DNAAF5: variants seen among roughly 807,000 people sequenced by gnomAD.
The protein encoded by DNAAF5 is HEAT repeat containing 2.
Under a neutral mutation model 75.8 loss-of-function variants are expected in DNAAF5, and 64 were observed. That is an observed-to-expected ratio of 0.84 (90% CI 0.69 to 1.04). DNAAF5 has a LOEUF of 1.04. DNAAF5 is among the 50% of genes least tolerant of loss of function. DNAAF5 has a pLI of 0.00. For missense variants in DNAAF5, 1,269 were observed against 1,178.5 expected, an observed-to-expected ratio of 1.08 and a Z score of -1.12; for synonymous variants, 657 against 557.2, an observed-to-expected ratio of 1.18 and a Z score of -2.52.
Position 740,956 on chromosome 7 carries a change from G to T in DNAAF5, c.905+13G>T. On this transcript the variant is annotated intron_variant, in intron 3 of 12. Coordinates refer to ENST00000297440, the MANE Select transcript of DNAAF5 (RefSeq NM_017802.4). ...TGCCTGAGGTCAGGTACGTGGGCAGGCGGCCGCGGGCCTTGTCTTCCTAAA... is the reference window on the plus strand; with the variant it reads ...TGCCTGAGGTCAGGTACGTGGGCAGTCGGCCGCGGGCCTTGTCTTCCTAAA... 1 of 1,611,026 alleles carries T rather than the reference G, an allele frequency of 6.2e-7. No individual in the cohort carries two copies.
At chr7:741,770 C>T (rs191277580) in intron 4 of DNAAF5, among the ~76,000 whole-genome samples, 1 of 152,194 alleles carries the variant, frequency 6.6e-6, no homozygotes, top group African/African-American at 2.4e-5. Context: ...TGTCCGCCCC[C>T]CTCCGTTGGC....
In DNAAF5 at chr7:754,462, C is replaced by T. The variant is rs1266374142; in HGVS notation, c.1025-127C>T. The T allele has an allele frequency of 7.3e-6, 6 of 822,402 alleles. No homozygotes were observed. The African/African-American group carries it at 8.4e-5, about 12-fold the overall frequency. 50.9% of individuals were successfully genotyped at this position (822,402 alleles called of 1,614,324 possible). A position where few individuals can be genotyped will look rare whatever the true frequency, so the allele number is the denominator to read the frequency against. On this transcript the variant is annotated intron_variant, in intron 4 of 12. Transcript: ENST00000297440. The surrounding 1 kb of genome is among the most constrained non-coding windows in gnomAD (Gnocchi z 4.8). The stretch of plus-strand genomic sequence containing the variant: ...GGGCATTTGTCAGCTTTGCGTCCAC[C>T]CCAAGACTTGTTTTGAAATGGTGAG...
chr7:774,768 G>A (rs538180846), intron 10 of DNAAF5, among the ~76,000 whole-genome samples: 1 of 152,316 alleles, frequency 6.6e-6, no homozygotes, highest in Non-Finnish European at 1.5e-5. Flanking sequence ...CCATTACCCT[G>A]GTTTAGGGTT....
chr7:783,578 CG>C (rs1003959116), intron 12 of DNAAF5, among the ~76,000 whole-genome samples: 4 of 152,184 alleles, frequency 2.6e-5, no homozygotes, highest in African/African-American at 7.2e-5. Flanking sequence ...CATTGATCCA[CG>C]GCGGGGCCCG....
intron 11 of DNAAF5, among the ~76,000 whole-genome samples, chr7:776,358 T>C (rs1422345032): frequency 1.3e-5 from 2 of 149,788 alleles, no homozygotes; most frequent in Non-Finnish European, 3.0e-5. Flanking sequence ...AAATAGAAAA[T>C]GCTCATCTTT....
chr7:770,086 G>A (rs1165922940), intron 8 of DNAAF5, among the ~76,000 whole-genome samples: 2 of 151,454 alleles, frequency 1.3e-5, no homozygotes, highest in African/African-American at 2.4e-5. Context: ...CAAGTAGATG[G>A]GACTACAGGT....
chr7:733,086 T>A (rs903904309), intron 2 of DNAAF5, among the ~76,000 whole-genome samples: 1 of 152,242 alleles, frequency 6.6e-6, no homozygotes, highest in African/African-American at 2.4e-5. Context: ...ATAAGTTCAC[T>A]GTAAATGTAT....
At chr7:749,965 C>T (rs886910043) in intron 4 of DNAAF5, among the ~76,000 whole-genome samples, 7 of 152,158 alleles carry the variant, frequency 4.6e-5, no homozygotes, top group Admixed American at 4.6e-4. Context: ...TCCCAAAGTG[C>T]TAGGATTACA....
rs933441699 is a variant in DNAAF5 at position 754,009 on chromosome 7, T to C, written c.1025-580T>C. ...TCGCAGGCGTGTGTCTCTCTGATCA[T>C]AGGGGGACGGCTTCGCAGGCGTGTC... On this transcript the variant is annotated intron_variant, in intron 4 of 12. Coordinates refer to ENST00000297440, the MANE Select transcript of DNAAF5 (RefSeq NM_017802.4). The surrounding 1 kb of genome is among the most constrained non-coding windows in gnomAD (Gnocchi z 4.8). Among the ~76,000 whole-genome samples the C allele has an allele frequency of 6.7e-6, 1 of 149,314 alleles. No homozygotes were observed. The highest frequency in any genetic ancestry group is 1.5e-5 in the Non-Finnish European group (1 of 67,334).
At chr7:783,625 G>A (rs565162217) in intron 12 of DNAAF5, among the ~76,000 whole-genome samples, 75 of 152,344 alleles carry the variant, frequency 4.9e-4, no homozygotes, top group African/African-American at 1.8e-3. Flanking sequence ...GCTGCGAATT[G>A]GAGACCAATT....
At chr7:733,197 T>G (rs147942661) in intron 2 of DNAAF5, among the ~76,000 whole-genome samples, 157 of 152,358 alleles carry the variant, frequency 1.0e-3, no homozygotes, top group African/African-American at 3.5e-3. Flanking sequence ...GTAGTATAAA[T>G]TGAAGTCAGG....
chr7:729,166 T>C (rs1004394981), intron 1 of DNAAF5, among the ~76,000 whole-genome samples: 5 of 152,170 alleles, frequency 3.3e-5, no homozygotes, highest in African/African-American at 1.2e-4. Context: ...GTTCTGACTT[T>C]CTGCGGGGAC....
intron 2 of DNAAF5, 151 bp from the exon 3 acceptor site, chr7:740,668 A>T: frequency 1.8e-6 from 2 of 1,115,848 alleles, no homozygotes; most frequent in Non-Finnish European, 1.3e-6. Context: ...TGTCTTGGGG[A>T]TGGCATCTAG....
chr7:732,045 T>C (rs894035918), intron 2 of DNAAF5, among the ~76,000 whole-genome samples: 1 of 152,150 alleles, frequency 6.6e-6, no homozygotes, highest in Non-Finnish European at 1.5e-5. Flanking sequence ...ATCACTGAAC[T>C]TCACTGGAAG....
At chr7:784,901 G>T (rs1053672136) in intron 12 of DNAAF5, among the ~76,000 whole-genome samples, 4 of 152,298 alleles carry the variant, frequency 2.6e-5, no homozygotes, top group African/African-American at 4.8e-5. Context: ...TTGAATGCAC[G>T]TTGTGACTGC....
intron 7 of DNAAF5, among the ~76,000 whole-genome samples, chr7:762,601 CCT>C (rs1180396351): frequency 6.6e-6 from 1 of 152,028 alleles, no homozygotes; most frequent in African/African-American, 2.4e-5. Context: ...CCATGGGCTC[CCT>C]GTTTATGCCC....
intron 11 of DNAAF5, chr7:778,139 TAACA>T (rs1778824023): frequency 2.0e-5 from 3 of 152,240 alleles, no homozygotes; most frequent in Admixed American, 6.5e-5. Flanking sequence ...TATTCTTTAG[TAACA>T]AACATCCTGT....
intron 2 of DNAAF5, among the ~76,000 whole-genome samples, chr7:736,728 TACTC>T: frequency 6.6e-6 from 1 of 152,328 alleles, no homozygotes; most frequent in Middle Eastern, 3.4e-3. Flanking sequence ...AGTAAGGACT[TACTC>T]CTGCCGTTTT....
chr7:726,796 G>C lies in DNAAF5; in HGVS notation c.76G>C (p.Glu26Gln). The C allele has an allele frequency of 7.7e-7, 1 of 1,301,238 alleles. No individual in the cohort carries two copies. The highest frequency in any genetic ancestry group is 9.7e-7 in the Non-Finnish European group (1 of 1,028,020). The allele number at this position is 1,301,238 out of a possible 1,614,324, so 80.6% of individuals were successfully genotyped here. A position where few individuals can be genotyped will look rare whatever the true frequency, so the allele number is the denominator to read the frequency against. The change falls in exon 1 of 13, where the codon GAG (glutamate) becomes CAG (glutamine). Residue 26 changes from glutamate to glutamine, a missense_variant. Coordinates refer to ENST00000297440, the MANE Select transcript of DNAAF5 (RefSeq NM_017802.4). ...GGGGGCCGAGACGGCTGAGGCGGTG[G>C]AGCTGAGCCGCGCCCTGAGCCGCCT... Reference protein sequence around the residue: ...AEGAETAEAVELSRALSRLLP... With the variant: ...AEGAETAEAVQLSRALSRLLP...
Sources: allele counts gnomAD v4.1 joint callset (sites outside exome capture counted in the v4.1 genomes callset), GRCh38; gene constraint gnomAD v4.1.1; non-coding constraint Gnocchi (gnomAD v3.1); transcripts MANE v1.5; gene names NCBI Gene and HGNC (gene_info 2026-07-23, HGNC 2026-07-21).